The following TSPAN18 variants were observed in gnomAD, a reference collection of about 807,000 sequenced individuals.
TSPAN18 encodes the protein tetraspanin 18.
TSPAN18 carries 14 observed loss-of-function variants against 27.3 expected under a neutral mutation model. The observed-to-expected ratio is 0.51, with a 90% CI of 0.34 to 0.80. TSPAN18 has a LOEUF of 0.80. Ranked by LOEUF, TSPAN18 falls within the 30% of genes least tolerant of loss-of-function variation. The probability of loss-of-function intolerance (pLI) is 0.01; values close to 1 mark genes in which losing one functional copy is unlikely to be tolerated. For synonymous variants in TSPAN18, 143 were observed against 136.5 expected, an observed-to-expected ratio of 1.05 and a Z score of -0.33; for missense variants, 268 against 323.9, an observed-to-expected ratio of 0.83 and a Z score of 1.32.
intron 6 of TSPAN18, among the ~76,000 whole-genome samples, chr11:44,918,542 C>T (rs1323435021): frequency 5.8e-5 from 3 of 51,864 alleles, no homozygotes; most frequent in African/African-American, 2.3e-4. Context: ...GAGACTGGGG[C>T]GGGGGGTTGG....
chr11:44,728,847 T>TC (rs906447647), intron 1 of TSPAN18, among the ~76,000 whole-genome samples: 40 of 152,340 alleles, frequency 2.6e-4, no homozygotes, highest in African/African-American at 9.4e-4. Flanking sequence ...GCCTCATCTT[T>TC]CTCTCCAGTT....
intron 2 of TSPAN18, among the ~76,000 whole-genome samples, chr11:44,815,984 C>T (rs1249859470): frequency 2.6e-5 from 4 of 152,106 alleles, no homozygotes; most frequent in Admixed American, 2.6e-4. Flanking sequence ...TGTCCGTGTG[C>T]AGCACAAATG....
chr11:44,770,166 T>C (rs996636869), intron 2 of TSPAN18, among the ~76,000 whole-genome samples: 4 of 152,192 alleles, frequency 2.6e-5, no homozygotes, highest in African/African-American at 7.2e-5. Context: ...TCTGCCCTTA[T>C]GGAGCTTGCC....
At position 44,798,127 on chromosome 11, in the gene TSPAN18, G is replaced by A. The variant is rs575240232; in HGVS notation, c.-153+33615G>A. ...CCTCCTGTGTGCTCAGTGGCTGGCC[G>A]TCCCTGAAGAGGGTCAGAGAGGCCC... On this transcript the variant is annotated intron_variant, in intron 2 of 9. Transcript: ENST00000520358. Among the ~76,000 whole-genome samples the A allele has an allele frequency of 1.3e-4, 20 of 152,298 alleles. No homozygotes were observed. In the East Asian group the frequency reaches 2.3e-3, roughly 18 times the overall value.
intron 2 of TSPAN18, among the ~76,000 whole-genome samples, chr11:44,772,923 C>T (rs574219689): frequency 6.6e-6 from 1 of 152,156 alleles, no homozygotes; most frequent in East Asian, 2.0e-4. Flanking sequence ...TCCCAAAGTG[C>T]TGGGATTACA....
At chr11:44,855,314 G>C (rs987011020) in intron 2 of TSPAN18, among the ~76,000 whole-genome samples, 8 of 152,040 alleles carry the variant, frequency 5.3e-5, no homozygotes, top group Non-Finnish European at 7.4e-5. Context: ...CTCATAACTT[G>C]CTTCTCCTGT....
At chr11:44,779,436 G>A (rs879260369) in intron 2 of TSPAN18, among the ~76,000 whole-genome samples, 1 of 152,150 alleles carries the variant, frequency 6.6e-6, no homozygotes, top group East Asian at 1.9e-4. Context: ...ACTAGGAATG[G>A]TCAACTGGTT....
At chr11:44,866,880 G>C (rs960147932) in intron 3 of TSPAN18, among the ~76,000 whole-genome samples, 6 of 152,206 alleles carry the variant, frequency 3.9e-5, no homozygotes, top group Admixed American at 3.9e-4. Context: ...ACCATCTTCG[G>C]AAAGAAGAGA....
At chr11:44,912,836 G>A (rs540975021) in intron 5 of TSPAN18, among the ~76,000 whole-genome samples, 2 of 149,480 alleles carry the variant, frequency 1.3e-5, no homozygotes, top group South Asian at 4.3e-4. Flanking sequence ...CATGTGCATG[G>A]GTGTCATGTG....
chr11:44,823,466 C>T (rs768988501), intron 2 of TSPAN18, among the ~76,000 whole-genome samples: 12 of 151,452 alleles, frequency 7.9e-5, no homozygotes, highest in Non-Finnish European at 1.3e-4. Flanking sequence ...ATGGTGAGTG[C>T]ATGCCAATTG....
chr11:44,880,218 G>A (rs561772391), intron 3 of TSPAN18, among the ~76,000 whole-genome samples: 120 of 152,348 alleles, frequency 7.9e-4, no homozygotes, highest in Non-Finnish European at 1.6e-3. Context: ...TTTCCAAGCT[G>A]TAGCCCCGCC....
At chr11:44,870,244 A>G (rs1192246762) in intron 3 of TSPAN18, among the ~76,000 whole-genome samples, 1 of 152,210 alleles carries the variant, frequency 6.6e-6, no homozygotes, top group Admixed American at 6.5e-5. Context: ...ATTTGCCATC[A>G]GTCCCTGTTC....
intron 2 of TSPAN18, among the ~76,000 whole-genome samples, chr11:44,800,764 G>A (rs1399547714): frequency 6.6e-6 from 1 of 152,246 alleles, no homozygotes; most frequent in African/African-American, 2.4e-5. Flanking sequence ...ATTGGGGACA[G>A]GTGGGGGCAG....
At chr11:44,873,077 T>G (rs835758) in intron 3 of TSPAN18, among the ~76,000 whole-genome samples, 147,912 of 152,270 alleles carry the variant, frequency 0.97, 71,994 homozygotes, top group East Asian at 1. Flanking sequence ...AAGAAGATGG[T>G]CGAAATGCTT....
intron 2 of TSPAN18, among the ~76,000 whole-genome samples, chr11:44,845,575 A>G (rs1857463006): frequency 6.6e-6 from 1 of 152,256 alleles, no homozygotes; most frequent in South Asian, 2.1e-4. Context: ...GCCTTCACAT[A>G]GGAGGCAACA....
intron 2 of TSPAN18, among the ~76,000 whole-genome samples, chr11:44,833,276 T>C (rs1857191965): frequency 6.6e-6 from 1 of 152,136 alleles, no homozygotes. Flanking sequence ...CTGAGCCCCA[T>C]TCCTTCATCT....
At chr11:44,800,474 C>G (rs989764966) in intron 2 of TSPAN18, among the ~76,000 whole-genome samples, 5 of 152,172 alleles carry the variant, frequency 3.3e-5, no homozygotes, top group Non-Finnish European at 7.3e-5. Flanking sequence ...CTGCAAGAGA[C>G]CAGGGTTGGG....
intron 2 of TSPAN18, among the ~76,000 whole-genome samples, chr11:44,779,408 C>T (rs971679142): frequency 2.0e-5 from 3 of 152,176 alleles, no homozygotes; most frequent in African/African-American, 7.2e-5. Context: ...CCTCCTTGAC[C>T]TGCTCTGGGC....
intron 2 of TSPAN18, among the ~76,000 whole-genome samples, chr11:44,791,596 ACTT>A (rs750951148): frequency 1.6e-4 from 24 of 152,228 alleles, no homozygotes; most frequent in Non-Finnish European, 2.1e-4. Flanking sequence ...CATCCTAGTC[ACTT>A]CTTCTGTGGA....
Sources: gnomAD v4.1 joint callset for allele counts (sites outside exome capture counted in the v4.1 genomes callset) on GRCh38, gnomAD v4.1.1 for gene constraint, MANE v1.5 for transcripts, NCBI Gene and HGNC (gene_info 2026-07-23, HGNC 2026-07-21) for gene names.